The following FOCAD variants were observed in gnomAD, a reference collection of about 807,000 sequenced individuals.
FOCAD encodes the protein focadhesin, also known as KIAA1797.
In FOCAD, 198 loss-of-function variants were observed where a neutral mutation model predicts 225.6. The observed-to-expected ratio is 0.88, with a 90% CI of 0.78 to 0.99. FOCAD has a LOEUF of 0.99. FOCAD is among the 50% of genes least tolerant of loss of function. The pLI, the probability that FOCAD is intolerant of heterozygous loss-of-function variation, is 0.00. For missense variants in FOCAD, 2,713 were observed against 2,123.6 expected, an observed-to-expected ratio of 1.28 and a Z score of -5.46; for synonymous variants, 897 against 755.0, an observed-to-expected ratio of 1.19 and a Z score of -3.08.
intron 21 of FOCAD, among the ~76,000 whole-genome samples, chr9:20,902,651 T>C (rs941310552): frequency 6.6e-6 from 1 of 151,904 alleles, no homozygotes; most frequent in Admixed American, 6.6e-5. Context: ...GATCAGTTAC[T>C]AGATCATAGT....
intron 24 of FOCAD, among the ~76,000 whole-genome samples, chr9:20,920,163 G>A (rs1834266118): frequency 6.6e-6 from 1 of 152,106 alleles, no homozygotes; most frequent in African/African-American, 2.4e-5. Flanking sequence ...GAGATGAACA[G>A]ACACTTCTCA....
At chr9:20,851,001 T>C (rs1278568314) in intron 15 of FOCAD, among the ~76,000 whole-genome samples, 1 of 151,440 alleles carries the variant, frequency 6.6e-6, no homozygotes, top group East Asian at 1.9e-4. Flanking sequence ...ACCTGGTACA[T>C]AGCAGTTGCT....
intron 6 of FOCAD, among the ~76,000 whole-genome samples, chr9:20,762,262 T>A (rs1461600284): frequency 1.3e-5 from 2 of 152,228 alleles, no homozygotes; most frequent in Non-Finnish European, 2.9e-5. Context: ...ATACATACAT[T>A]ATCTGATTCC....
chr9:20,883,801 A>G (rs1158476002), intron 20 of FOCAD, among the ~76,000 whole-genome samples: 1 of 152,252 alleles, frequency 6.6e-6, no homozygotes, highest in African/African-American at 2.4e-5. Flanking sequence ...CTTTCAATGT[A>G]TATTTTAGAA....
intron 4 of FOCAD, among the ~76,000 whole-genome samples, chr9:20,729,256 T>G (rs1006792946): frequency 8.5e-5 from 13 of 152,220 alleles, no homozygotes; most frequent in Non-Finnish European, 1.5e-4. Context: ...GAATCTGTTC[T>G]ATGCCTTTCT....
intron 35 of FOCAD, chr9:20,957,673 C>CTTTT (rs775116988): frequency 1.0e-4 from 4 of 38,438 alleles, no homozygotes; most frequent in African/African-American, 3.2e-4. Flanking sequence ...ATCTCTCTCT[C>CTTTT]TTTTTTTTTT....
intron 35 of FOCAD, among the ~76,000 whole-genome samples, chr9:20,963,572 T>C (rs545329502): frequency 1.3e-5 from 2 of 152,326 alleles, no homozygotes; most frequent in African/African-American, 4.8e-5. Flanking sequence ...TATTTATGAA[T>C]TAATGATTTC....
intron 15 of FOCAD, among the ~76,000 whole-genome samples, chr9:20,840,732 C>G (rs542239436): frequency 1.3e-5 from 2 of 151,556 alleles, no homozygotes; most frequent in African/African-American, 2.4e-5. Flanking sequence ...TGTCTAATTG[C>G]TCTAGCTAGG....
intron 15 of FOCAD, among the ~76,000 whole-genome samples, chr9:20,833,687 T>C (rs1013801773): frequency 6.6e-6 from 1 of 152,096 alleles, no homozygotes; most frequent in Non-Finnish European, 1.5e-5. Flanking sequence ...TAACTTCATA[T>C]GTGATCTCAA....
At chr9:20,788,233 T>A (rs1820139464) in intron 10 of FOCAD, among the ~76,000 whole-genome samples, 1 of 152,176 alleles carries the variant, frequency 6.6e-6, no homozygotes, top group African/African-American at 2.4e-5. Flanking sequence ...ATATTATGTG[T>A]TTCCTATTAT....
chr9:20,913,195 A>G (rs938575020), intron 23 of FOCAD, among the ~76,000 whole-genome samples: 2 of 147,098 alleles, frequency 1.4e-5, no homozygotes, highest in Non-Finnish European at 3.0e-5. Flanking sequence ...CACACGTTCT[A>G]AAACAATGTG....
chr9:20,944,600 A>T, intron 28 of FOCAD, 27 bp from the exon 29 acceptor site: 1 of 1,604,514 alleles, frequency 6.2e-7, no homozygotes, highest in South Asian at 1.1e-5. Context: ...TTATGATCCT[A>T]ACATCTTATC....
intron 11 of FOCAD, among the ~76,000 whole-genome samples, chr9:20,790,972 T>C (rs1159011356): frequency 1.3e-5 from 2 of 152,192 alleles, no homozygotes; most frequent in Admixed American, 6.6e-5. Flanking sequence ...TCATGGTGTA[T>C]GCGTAATGTG....
At chr9:20,798,133 A>G (rs1430717502) in intron 11 of FOCAD, among the ~76,000 whole-genome samples, 1 of 152,126 alleles carries the variant, frequency 6.6e-6, no homozygotes, top group Non-Finnish European at 1.5e-5. Flanking sequence ...GGTTCTGTTT[A>G]TATGCTGGAT....
Position 20,884,678 on chromosome 9 carries a change from G to A in FOCAD, c.2504-431G>A, listed in dbSNP as rs930998664. 2.0e-5 allele frequency among the ~76,000 whole-genome samples: 3 copies of A among 152,042 alleles called. No homozygotes were observed. In the South Asian group the frequency reaches 6.2e-4, roughly 32 times the overall value. The stretch of plus-strand genomic sequence containing the variant: ...TATAAATGGTCAAAAATCATAATTT[G>A]CTTAACAAGTTAGCTTTTAGTTATA... On this transcript the variant is annotated intron_variant, in intron 20 of 43. Transcript: ENST00000338382.
At chr9:20,872,445 A>C (rs975655390) in intron 18 of FOCAD, among the ~76,000 whole-genome samples, 4 of 151,956 alleles carry the variant, frequency 2.6e-5, no homozygotes, top group Admixed American at 2.6e-4. Context: ...TTTGCACAGC[A>C]CTTTAAGGTT....
chr9:20,730,318 A>T (rs570354541), intron 4 of FOCAD, among the ~76,000 whole-genome samples: 161 of 152,224 alleles, frequency 1.1e-3, no homozygotes, highest in African/African-American at 3.7e-3. Context: ...TACTTCTATA[A>T]AGAGAATCTT....
At chr9:20,987,846 A>G (rs1476945512) in intron 40 of FOCAD, among the ~76,000 whole-genome samples, 2 of 152,230 alleles carry the variant, frequency 1.3e-5, no homozygotes, top group African/African-American at 4.8e-5. Flanking sequence ...TTAAAAGGGA[A>G]AAAAGTCAAT....
chr9:20,687,593 C>T (rs1415744954), intron 1 of FOCAD, among the ~76,000 whole-genome samples: 2 of 152,234 alleles, frequency 1.3e-5, no homozygotes, highest in South Asian at 2.1e-4. Context: ...AGGACATACA[C>T]GTGGAGAAGA....
Sources: allele counts gnomAD v4.1 joint callset (sites outside exome capture counted in the v4.1 genomes callset), GRCh38; gene constraint gnomAD v4.1.1; transcripts MANE v1.5; gene names NCBI Gene and HGNC (gene_info 2026-07-23, HGNC 2026-07-21).